ACBD6: variants seen among roughly 807,000 people sequenced by gnomAD.
ACBD6 encodes the protein acyl-CoA-binding domain-containing protein 6.
ACBD6 carries 28 observed loss-of-function variants against 37.2 expected under a neutral mutation model. The ratio of observed to expected loss-of-function variants is 0.75; its 90% CI spans 0.56 to 1.03. The LOEUF (loss-of-function observed/expected upper bound fraction) is 1.03, where lower values mean the gene tolerates loss of function less well. Among genes scored for constraint, ACBD6 ranks in the 50% least tolerant of loss-of-function variants. The pLI, the probability that ACBD6 is intolerant of heterozygous loss-of-function variation, is 0.00. For missense variants in ACBD6, 340 were observed against 337.4 expected, an observed-to-expected ratio of 1.01 and a Z score of -0.06; for synonymous variants, 113 against 126.8, an observed-to-expected ratio of 0.89 and a Z score of 0.73.
intron 7 of ACBD6, among the ~76,000 whole-genome samples, chr1:180,305,753 T>C (rs918535184): frequency 6.6e-6 from 1 of 152,170 alleles, no homozygotes; most frequent in South Asian, 2.1e-4. Context: ...CATTACTGGG[T>C]GTATACCCAA....
chr1:180,464,481 C>T (rs547888309), intron 3 of ACBD6, among the ~76,000 whole-genome samples: 10 of 151,936 alleles, frequency 6.6e-5, no homozygotes, highest in Non-Finnish European at 1.5e-4. Flanking sequence ...AACAGCTAAC[C>T]AAGGAGGTGA....
chr1:180,375,966 G>T (rs1653415736), intron 6 of ACBD6, among the ~76,000 whole-genome samples: 2 of 152,034 alleles, frequency 1.3e-5, no homozygotes, highest in African/African-American at 4.8e-5. Flanking sequence ...GGTATATAAA[G>T]AACTCTGAAA....
intron 5 of ACBD6, among the ~76,000 whole-genome samples, chr1:180,406,128 C>T (rs1048896721): frequency 3.3e-5 from 5 of 152,098 alleles, no homozygotes; most frequent in Admixed American, 1.3e-4. Context: ...TGTCCAATTA[C>T]TATACCAGTA....
chr1:180,369,140 G>A (rs1318418275), intron 6 of ACBD6, among the ~76,000 whole-genome samples: 1 of 152,220 alleles, frequency 6.6e-6, no homozygotes, highest in Non-Finnish European at 1.5e-5. Context: ...TACCACGCTG[G>A]TAGGCAGGCC....
intron 6 of ACBD6, among the ~76,000 whole-genome samples, chr1:180,335,720 C>T (rs6673730): frequency 0.96 from 137,221 of 143,434 alleles, 65,917 homozygotes; most frequent in East Asian, 0.99. Context: ...GACTGGCAAA[C>T]TGGGTAAAGA....
chr1:180,417,750 A>T (rs1648157353), intron 4 of ACBD6, among the ~76,000 whole-genome samples: 1 of 149,958 alleles, frequency 6.7e-6, no homozygotes, highest in African/African-American at 2.5e-5. Context: ...GATCAATGGT[A>T]ATTCACCAAA....
At chr1:180,430,362 G>A (rs769867281) in intron 3 of ACBD6, 100 bp from the exon 4 acceptor site, 54 of 1,011,892 alleles carry the variant, frequency 5.3e-5, no homozygotes, top group Non-Finnish European at 7.8e-5. Flanking sequence ...AAAGACTAAG[G>A]ATTTTACCCT....
At chr1:180,316,176 T>C (rs1331579521) in intron 6 of ACBD6, among the ~76,000 whole-genome samples, 1 of 152,098 alleles carries the variant, frequency 6.6e-6, no homozygotes, top group Non-Finnish European at 1.5e-5. Context: ...CAGGGCAGCC[T>C]GACAATGTGA....
chr1:180,285,616 C>T (rs555334589), downstream of ACBD6, among the ~76,000 whole-genome samples: 18 of 152,164 alleles, frequency 1.2e-4, no homozygotes, highest in Middle Eastern at 3.4e-3. Flanking sequence ...TTTGTCTGGA[C>T]GCTCAACTCT....
intron 7 of ACBD6, among the ~76,000 whole-genome samples, chr1:180,291,691 A>T (rs2764465): frequency 0.26 from 39,909 of 151,524 alleles, 7,709 homozygotes; most frequent in African/African-American, 0.54. Flanking sequence ...TGGAATTTTT[A>T]AATTTTGATA....
exon 14 of ACBD6, chr1:180,269,745 C>A (rs1220194686): frequency 6.6e-6 from 1 of 152,216 alleles, no homozygotes; most frequent in Non-Finnish European, 1.5e-5. Context: ...TTGCATCAGA[C>A]ACTCCCGTGT....
At chr1:180,458,298 T>C (rs1346084254) in intron 3 of ACBD6, among the ~76,000 whole-genome samples, 1 of 152,150 alleles carries the variant, frequency 6.6e-6, no homozygotes, top group Non-Finnish European at 1.5e-5. Context: ...TGTTAAGAAA[T>C]ATCCCCAACT....
chr1:180,430,981 G>A (rs1648789778), intron 3 of ACBD6, among the ~76,000 whole-genome samples: 1 of 152,124 alleles, frequency 6.6e-6, no homozygotes, highest in African/African-American at 2.4e-5. Flanking sequence ...TATTGACAGC[G>A]TTTAGTACAG....
At chr1:180,357,296 C>T (rs1652666459) in intron 6 of ACBD6, among the ~76,000 whole-genome samples, 1 of 152,134 alleles carries the variant, frequency 6.6e-6, no homozygotes, top group Admixed American at 6.5e-5. Flanking sequence ...ATGACCTGCC[C>T]CCAAATGATA....
intron 3 of ACBD6, among the ~76,000 whole-genome samples, chr1:180,486,674 A>G (rs1246882445): frequency 6.6e-6 from 1 of 152,220 alleles, no homozygotes; most frequent in Non-Finnish European, 1.5e-5. Flanking sequence ...TAGGAAAAGG[A>G]TATTTACATA....
intron 3 of ACBD6, among the ~76,000 whole-genome samples, chr1:180,469,706 C>A (rs80222488): frequency 0.011 from 1,677 of 152,272 alleles, 36 homozygotes; most frequent in African/African-American, 0.039. Flanking sequence ...TGAATAATTT[C>A]TCTATAATTT....
intron 4 of ACBD6, among the ~76,000 whole-genome samples, chr1:180,429,099 T>A (rs915805859): frequency 4.6e-5 from 7 of 152,168 alleles, no homozygotes; most frequent in African/African-American, 1.7e-4. Context: ...TAAAATATGA[T>A]CTTCACTATC....
chr1:180,330,421 AAAAC>A (rs61307556), intron 6 of ACBD6, among the ~76,000 whole-genome samples: 6,814 of 151,760 alleles, frequency 0.045, 217 homozygotes, highest in Non-Finnish European at 0.059. Flanking sequence ...CTCTGTTTCA[AAAAC>A]AAACAAACAA....
At chr1:180,337,816 C>A (rs1032924597) in intron 6 of ACBD6, among the ~76,000 whole-genome samples, 1 of 152,172 alleles carries the variant, frequency 6.6e-6, no homozygotes, top group South Asian at 2.1e-4. Flanking sequence ...TCTCAGGGTA[C>A]AAAATCAATG....
Sources: gnomAD v4.1 joint callset for allele counts (sites outside exome capture counted in the v4.1 genomes callset) on GRCh38, gnomAD v4.1.1 for gene constraint, MANE v1.5 for transcripts, NCBI Gene and HGNC (gene_info 2026-07-23, HGNC 2026-07-21) for gene names.